The following PCDHGA6 variants were observed in gnomAD, a reference collection of about 807,000 sequenced individuals.
PCDHGA6 encodes protocadherin gamma-A6.
Under a neutral mutation model 60.6 loss-of-function variants are expected in PCDHGA6, and 41 were observed. That is an observed-to-expected ratio of 0.68 (90% CI 0.53 to 0.88). The LOEUF is 0.88. PCDHGA6 is among the 40% of genes least tolerant of loss of function. The pLI, the probability that PCDHGA6 is intolerant of heterozygous loss-of-function variation, is 0.00. For synonymous variants in PCDHGA6, 594 were observed against 524.4 expected (o/e 1.13, Z -1.81); for missense variants, 1,312 against 1,203.0 (o/e 1.09, Z -1.34).
intron 1 of PCDHGA6, chr5:141,399,810 C>A (rs148150333): frequency 2.5e-6 from 4 of 1,613,076 alleles, no homozygotes; most frequent in Middle Eastern, 1.7e-4. Flanking sequence ...TGCTGTACCC[C>A]GCGCTGGGTC....
At chr5:141,415,740 G>GTTTTTGTTTTTTTTTT (rs2095911468) in intron 1 of PCDHGA6, 1 of 515,998 alleles carries the variant, frequency 1.9e-6, no homozygotes, top group Non-Finnish European at 2.6e-6. Context: ...GTTTATTAAG[G>GTTTTTGTTTTTTTTTT]TTTTTTTTTT....
At chr5:141,391,586 A>T (rs2092395151) in intron 1 of PCDHGA6, 1 of 152,234 alleles carries the variant, frequency 6.6e-6, no homozygotes. Flanking sequence ...TTCACAGGAA[A>T]ATATAAAGTT....
In PCDHGA6 at chr5:141,421,081, A is replaced by C. The variant is rs775366249; in HGVS notation, c.2424+44574A>C. 61 of 637,820 alleles carry C rather than the reference A, an allele frequency of 9.6e-5. 1 individual carries two copies. The Middle Eastern group carries it at 2.9e-3, about 31-fold the overall frequency. The allele number at this position is 637,820 out of a possible 1,614,324, so 39.5% of individuals were successfully genotyped here. ...ACAAAGCGGAATGAGATGGATACTCACAGATCCTGACACTGGAGACTTAGA... is the reference window on the plus strand; with the variant it reads ...ACAAAGCGGAATGAGATGGATACTCCCAGATCCTGACACTGGAGACTTAGA... On this transcript the variant is annotated intron_variant, in intron 1 of 3. Coordinates refer to ENST00000517434, the MANE Select transcript of PCDHGA6 (RefSeq NM_018919.3).
At chr5:141,413,316 T>C (rs769316460) in intron 1 of PCDHGA6, 13 of 1,613,976 alleles carry the variant, frequency 8.1e-6, no homozygotes, top group Non-Finnish European at 1.1e-5. Flanking sequence ...AGAAAGGCTC[T>C]TTCGTGGGCA....
rs1057374827 is a variant in PCDHGA6, at chr5:141,485,503, C to G, written c.2425-9304C>G. 3.1e-6 allele frequency: 5 copies of G among 1,613,978 alleles called. No homozygotes were observed. Among genetic ancestry groups the G allele is most frequent in the Non-Finnish European group, 4.2e-6 (5 of 1,180,016 alleles). On this transcript the variant is annotated intron_variant, in intron 1 of 3. Coordinates refer to ENST00000517434, the MANE Select transcript of PCDHGA6 (RefSeq NM_018919.3). This position sits in a 1 kb window ranked among gnomAD's most constrained non-coding sequence, Gnocchi z 5.7. ...GCATCGTGCCCCTGGAGTTTGTCACCGAAGGTCCTTTGGAAATGTACCGAG... is the reference window on the plus strand; with the variant it reads ...GCATCGTGCCCCTGGAGTTTGTCACGGAAGGTCCTTTGGAAATGTACCGAG...
At chr5:141,473,189 A>G (rs1049891105) in intron 1 of PCDHGA6, among the ~76,000 whole-genome samples, 2 of 152,198 alleles carry the variant, frequency 1.3e-5, no homozygotes, top group Admixed American at 6.5e-5. Flanking sequence ...GAAGGAGTAA[A>G]TGTATCTTCT....
chr5:141,375,059 G>A lies in PCDHGA6; in HGVS notation c.976G>A (p.Gly326Ser). Residue 326 changes from glycine to serine, a missense_variant, in exon 1 of 4, where the codon GGT becomes AGT. By Grantham distance (56) the Gly-to-Ser change is moderately conservative (BLOSUM62 0). Transcript: ENST00000517434. ...ELGVEARDGP[G>S]LRDRAKVLIT... ...GGGTGTTGAAGCCCGGGATGGGCCA[G>A]GTCTTCGAGACAGAGCGAAAGTCTT... The A allele has an allele frequency of 2.5e-6, 4 of 1,614,038 alleles. No individual in the cohort carries two copies. The Admixed American group carries it at 6.7e-5, about 27-fold the overall frequency.
chr5:141,386,716 C>A (rs2090679680), intron 1 of PCDHGA6, among the ~76,000 whole-genome samples: 1 of 152,024 alleles, frequency 6.6e-6, no homozygotes. Context: ...TTGCTGACAC[C>A]AACAATGTTA....
Position 141,477,439 on chromosome 5 carries a change from A to C in PCDHGA6, c.2425-17368A>C. 1 of 1,614,142 alleles carries C rather than the reference A, an allele frequency of 6.2e-7. No homozygotes were observed. Among genetic ancestry groups the C allele is most frequent in the Non-Finnish European group, 8.5e-7 (1 of 1,180,016 alleles). On this transcript the variant is annotated intron_variant, in intron 1 of 3. Transcript: ENST00000517434. This position sits in a 1 kb window ranked among gnomAD's most constrained non-coding sequence, Gnocchi z 4.9. ...GAACCCCTTCCCTCTCAGCCCTTAC[A>C]ATAGTGCGTGTTCAAGTGTCCGACA... is the stretch of plus-strand genomic sequence containing the variant.
intron 1 of PCDHGA6, among the ~76,000 whole-genome samples, chr5:141,455,460 A>G (rs1175234914): frequency 1.3e-5 from 2 of 152,186 alleles, no homozygotes; most frequent in Non-Finnish European, 2.9e-5. Flanking sequence ...GATACCAGCC[A>G]GGTATATATG....
At chr5:141,393,458 G>T (rs181214352) in intron 1 of PCDHGA6, 4 of 1,613,902 alleles carry the variant, frequency 2.5e-6, no homozygotes, top group Non-Finnish European at 3.4e-6. Context: ...TCACGGCCTC[G>T]GATGGCGGCA....
At chr5:141,454,331 T>G (rs1244660733) in intron 1 of PCDHGA6, among the ~76,000 whole-genome samples, 1 of 152,180 alleles carries the variant, frequency 6.6e-6, no homozygotes, top group Non-Finnish European at 1.5e-5. Context: ...CAAGAATAAA[T>G]AAAATGTTGG....
Position 141,376,131 on chromosome 5 carries a change from A to T in PCDHGA6, c.2048A>T (p.Lys683Ile), listed in dbSNP as rs200974904. ...ADLGSLEPSA[K>I]PNDSDLTLYL... ...CTGGGCAGCCTCGAGCCCTCCGCCA[A>T]ACCCAACGATTCGGACCTCACTCTG... Residue 683 changes from lysine (K) to isoleucine (I), a missense_variant, in exon 1 of 4, where the codon AAA becomes ATA. Transcript: ENST00000517434. 6.9e-4 allele frequency: 1,114 copies of T among 1,613,772 alleles called. 8 individuals carry two copies. Among genetic ancestry groups the T allele is most frequent in the South Asian group, 4.3e-3 (393 of 91,038 alleles).
At chr5:141,461,009 A>T (rs1407993113) in intron 1 of PCDHGA6, among the ~76,000 whole-genome samples, 1 of 151,542 alleles carries the variant, frequency 6.6e-6, no homozygotes, top group Admixed American at 6.6e-5. Flanking sequence ...GTATATATAT[A>T]TACCACATTT....
rs752112707 is a variant in PCDHGA6, at chr5:141,376,279, A to G, written c.2196A>G (p.Leu732=). 22 of 1,614,054 alleles carry G rather than the reference A, an allele frequency of 1.4e-5. No homozygotes were observed. The Admixed American group carries it at 1.8e-4, about 13-fold the overall frequency. ...TGCTGCAGGCTTCGGGAGGTGGCTT[A>G]GCGAGCATGCCCGGCTCGCACTTTG... is the stretch of plus-strand genomic sequence containing the variant. The part of the protein sequence containing the change: ...SRLLQASGGG[L]ASMPGSHFVG... The change falls in exon 1 of 4, where the codon TTA becomes TTG. Residue 732 remains leucine (L), a synonymous_variant. Coordinates refer to ENST00000517434, the MANE Select transcript of PCDHGA6 (RefSeq NM_018919.3).
At chr5:141,395,522 A>T in intron 1 of PCDHGA6, 1 of 398,214 alleles carries the variant, frequency 2.5e-6, no homozygotes. Flanking sequence ...ACCCGTCCAT[A>T]CTGGTAATTT....
chr5:141,434,964 T>C (rs2154556462), intron 1 of PCDHGA6, among the ~76,000 whole-genome samples: 1 of 152,004 alleles, frequency 6.6e-6, no homozygotes, highest in East Asian at 1.9e-4. Context: ...ATTTATAAAA[T>C]TACTTTGTTA....
intron 1 of PCDHGA6, among the ~76,000 whole-genome samples, chr5:141,481,556 G>T (rs553126587): frequency 6.6e-6 from 1 of 152,148 alleles, no homozygotes; most frequent in African/African-American, 2.4e-5. Flanking sequence ...AGTGGCTCAC[G>T]CCTGTAATCC....
intron 1 of PCDHGA6, chr5:141,417,728 T>A: frequency 7.3e-7 from 1 of 1,373,610 alleles, no homozygotes; most frequent in Non-Finnish European, 9.6e-7. Flanking sequence ...GCGCAGACCT[T>A]GCCCAGCACA....
Sources: allele counts gnomAD v4.1 joint callset (sites outside exome capture counted in the v4.1 genomes callset), GRCh38; gene constraint gnomAD v4.1.1; non-coding constraint Gnocchi (gnomAD v3.1); transcripts MANE v1.5; gene names NCBI Gene and HGNC (gene_info 2026-07-23, HGNC 2026-07-21).